Variants in RAPGEF4 observed in about 807,000 individuals in gnomAD.
RAPGEF4 encodes RAP guanine-nucleotide-exchange factor (GEF) 4.
Under a neutral mutation model 147.9 loss-of-function variants are expected in RAPGEF4, and 66 were observed. That is an observed-to-expected ratio of 0.45 (90% CI 0.37 to 0.55). The LOEUF (loss-of-function observed/expected upper bound fraction) is 0.55. RAPGEF4 is among the 20% of genes least tolerant of loss of function. The pLI is 0.00. For synonymous variants in RAPGEF4, 419 were observed against 442.7 expected (o/e 0.95, Z 0.67); for missense variants, 1,071 against 1,257.3 (o/e 0.85, Z 2.24).
chr2:172,990,067 T>G (rs190637051), intron 14 of RAPGEF4, among the ~76,000 whole-genome samples: 1 of 150,500 alleles, frequency 6.6e-6, no homozygotes, highest in Non-Finnish European at 1.5e-5. Context: ...TACCCTTGAA[T>G]GATATATTAA....
chr2:172,766,869 T>C (rs1696897978), intron 1 of RAPGEF4, among the ~76,000 whole-genome samples: 1 of 152,238 alleles, frequency 6.6e-6, no homozygotes, highest in African/African-American at 2.4e-5. Context: ...AGTATTCCAT[T>C]GCGTGCATAT....
At chr2:172,948,870 G>A (rs902663483) in intron 6 of RAPGEF4, among the ~76,000 whole-genome samples, 2 of 151,788 alleles carry the variant, frequency 1.3e-5, no homozygotes, top group African/African-American at 4.8e-5. Flanking sequence ...TTAATACTTG[G>A]GTGATTAAAT....
In RAPGEF4 at chr2:173,009,364, G is replaced by C. The variant is rs905024512; in HGVS notation, c.1659-5100G>C. The stretch of plus-strand genomic sequence containing the variant: ...ATCAGTTGATTAAAAAATATTGAAG[G>C]CTTTTGTGTGCCCAGTCTTTAGCTA... On this transcript the variant is annotated intron_variant, in intron 17 of 30. Transcript: ENST00000397081. Among the ~76,000 whole-genome samples, 7 of 152,212 alleles carry C rather than the reference G, an allele frequency of 4.6e-5. No individual in the cohort carries two copies. In the East Asian group the frequency reaches 1.3e-3, roughly 29 times the overall value.
At chr2:172,795,732 GA>G (rs889742420) in intron 2 of RAPGEF4, among the ~76,000 whole-genome samples, 1 of 151,386 alleles carries the variant, frequency 6.6e-6, no homozygotes, top group African/African-American at 2.4e-5. Context: ...TATACAAGAA[GA>G]AAAAAAAATC....
chr2:172,864,397 C>T (rs1295205298), intron 4 of RAPGEF4, among the ~76,000 whole-genome samples: 1 of 152,196 alleles, frequency 6.6e-6, no homozygotes, highest in African/African-American at 2.4e-5. Context: ...CTCCCTGGAT[C>T]AGCCACCAGG....
intron 1 of RAPGEF4, among the ~76,000 whole-genome samples, chr2:172,757,623 T>G (rs1026565359): frequency 2.6e-5 from 4 of 152,238 alleles, no homozygotes; most frequent in Admixed American, 6.5e-5. Flanking sequence ...ATAATACAAG[T>G]GCATGTATTT....
chr2:172,876,599 C>A (rs981764263), intron 4 of RAPGEF4, among the ~76,000 whole-genome samples: 81 of 152,174 alleles, frequency 5.3e-4, no homozygotes, highest in African/African-American at 1.9e-3. Flanking sequence ...GGGATGAAGC[C>A]CACTTGATCA....
intron 4 of RAPGEF4, among the ~76,000 whole-genome samples, chr2:172,832,143 T>G (rs1371558309): frequency 6.6e-6 from 1 of 152,236 alleles, no homozygotes; most frequent in Non-Finnish European, 1.5e-5. Flanking sequence ...AAAGTGTTTC[T>G]TCATTTGGGC....
chr2:172,924,942 T>TGTTTTG (rs1213097919), intron 6 of RAPGEF4, among the ~76,000 whole-genome samples: 1 of 152,176 alleles, frequency 6.6e-6, no homozygotes, highest in Non-Finnish European at 1.5e-5. Flanking sequence ...CATGTTTAAC[T>TGTTTTG]GTTTTGTTTT....
At chr2:173,012,347 C>G (rs1339219315) in intron 17 of RAPGEF4, among the ~76,000 whole-genome samples, 2 of 152,156 alleles carry the variant, frequency 1.3e-5, no homozygotes, top group African/African-American at 4.8e-5. Flanking sequence ...TCCACTGACT[C>G]TTACATTTAT....
intron 6 of RAPGEF4, among the ~76,000 whole-genome samples, chr2:172,925,587 T>TACACACAC (rs10534191): frequency 1.4e-5 from 2 of 146,990 alleles, no homozygotes; most frequent in African/African-American, 2.5e-5. Context: ...ACTCTGTCTG[T>TACACACAC]ACACACACAC....
chr2:172,791,159 A>C (rs1459992173), intron 1 of RAPGEF4, among the ~76,000 whole-genome samples: 1 of 152,168 alleles, frequency 6.6e-6, no homozygotes, highest in Non-Finnish European at 1.5e-5. Context: ...TCCACCTCCC[A>C]ACATTGTTGC....
chr2:172,740,080 C>G (rs116419741), intron 1 of RAPGEF4, among the ~76,000 whole-genome samples: 1 of 152,168 alleles, frequency 6.6e-6, no homozygotes, highest in African/African-American at 2.4e-5. Flanking sequence ...GCTGCTTTCC[C>G]GCTGCAGTGG....
intron 4 of RAPGEF4, among the ~76,000 whole-genome samples, chr2:172,859,637 A>C (rs1438656923): frequency 2.0e-5 from 3 of 152,226 alleles, no homozygotes; most frequent in Non-Finnish European, 4.4e-5. Flanking sequence ...GTGTATATAA[A>C]ACAAATATTG....
chr2:172,755,359 T>C (rs534754581), intron 1 of RAPGEF4, among the ~76,000 whole-genome samples: 88 of 152,210 alleles, frequency 5.8e-4, no homozygotes, highest in African/African-American at 2.0e-3. Flanking sequence ...TAACACAAAT[T>C]GAGCTAATAA....
intron 2 of RAPGEF4, 124 bp downstream of exon 2, chr2:172,795,291 A>G (rs2149546569): frequency 1.0e-6 from 1 of 980,046 alleles, no homozygotes; most frequent in South Asian, 1.6e-5. Flanking sequence ...AACCAAAAGT[A>G]TTAAGGTGAC....
At chr2:172,967,669 G>T (rs1475775803) in intron 10 of RAPGEF4, among the ~76,000 whole-genome samples, 1 of 152,200 alleles carries the variant, frequency 6.6e-6, no homozygotes, top group South Asian at 2.1e-4. Flanking sequence ...AAGCTGTAGA[G>T]GTTGTCAGTA....
intron 3 of RAPGEF4, among the ~76,000 whole-genome samples, chr2:172,813,383 G>A (rs1361390212): frequency 6.6e-6 from 1 of 152,172 alleles, no homozygotes; most frequent in African/African-American, 2.4e-5. Flanking sequence ...ATGCAGAGAG[G>A]AAATTACTTT....
chr2:172,837,071 G>T (rs146732606), intron 4 of RAPGEF4, among the ~76,000 whole-genome samples: 205 of 152,238 alleles, frequency 1.3e-3, no homozygotes, highest in Middle Eastern at 0.01. Flanking sequence ...TTTAAATTGT[G>T]TTCTTACAGA....
Sources: allele counts gnomAD v4.1 joint callset (sites outside exome capture counted in the v4.1 genomes callset), GRCh38; gene constraint gnomAD v4.1.1; transcripts MANE v1.5; gene names NCBI Gene and HGNC (gene_info 2026-07-23, HGNC 2026-07-21).